The following BPGM variants were observed in gnomAD, a reference collection of about 807,000 sequenced individuals.
BPGM encodes the protein 2,3-bisphosphoglycerate mutase, erythrocyte.
In BPGM, 15 loss-of-function variants were observed where a neutral mutation model predicts 21.6. That is an observed-to-expected ratio of 0.70 (90% CI 0.47 to 1.07). The LOEUF (loss-of-function observed/expected upper bound fraction) is 1.07. Among genes scored for constraint, BPGM ranks in the 50% least tolerant of loss-of-function variants. The pLI, the probability that BPGM is intolerant of heterozygous loss-of-function variation, is 0.00. For synonymous variants in BPGM, 113 were observed against 116.2 expected, an observed-to-expected ratio of 0.97 and a Z score of 0.18; for missense variants, 273 against 319.0, an observed-to-expected ratio of 0.86 and a Z score of 1.10.
chr7:134,650,159 A>T (rs1795533528), intron 1 of BPGM, among the ~76,000 whole-genome samples: 1 of 152,122 alleles, frequency 6.6e-6, no homozygotes, highest in Admixed American at 6.5e-5. Context: ...AGACTTTTGG[A>T]ATTTGGTGGA....
chr7:134,678,076 C>CTGTT (rs148468643), intron 2 of BPGM, among the ~76,000 whole-genome samples: 4,034 of 152,260 alleles, frequency 0.026, 95 homozygotes, highest in East Asian at 0.12. Context: ...AACATGTTAG[C>CTGTT]TGTTTATTGT....
At chr7:134,664,781 C>A (rs1365740121) in intron 2 of BPGM, among the ~76,000 whole-genome samples, 1 of 152,194 alleles carries the variant, frequency 6.6e-6, no homozygotes, top group Non-Finnish European at 1.5e-5. Flanking sequence ...GATGCTGATA[C>A]ATGCTACCAT....
At chr7:134,659,563 T>C (rs1239051287) in intron 1 of BPGM, among the ~76,000 whole-genome samples, 1 of 152,210 alleles carries the variant, frequency 6.6e-6, no homozygotes, top group African/African-American at 2.4e-5. Context: ...CTGATGCCTC[T>C]TCTAGGCTAA....
chr7:134,679,137 G>A lies in BPGM; in HGVS notation c.*106G>A. Reference sequence around the variant, plus strand: ...TTCCCCGATTTTCCAGAGCTAGGCTGTGGAGTAGAGTTTGTATAGGTAACT... The same window carrying A: ...TTCCCCGATTTTCCAGAGCTAGGCTATGGAGTAGAGTTTGTATAGGTAACT... On this transcript the variant is annotated 3_prime_UTR_variant, in exon 3 of 3. Transcript: ENST00000344924. 2.3e-6 allele frequency: 3 copies of A among 1,301,860 alleles called. No individual in the cohort carries two copies. The South Asian group carries it at 3.9e-5, about 17-fold the overall frequency. 80.6% of individuals were successfully genotyped at this position (1,301,860 alleles called of 1,614,324 possible).
At chr7:134,673,867 G>C (rs1363358456) in intron 2 of BPGM, among the ~76,000 whole-genome samples, 1 of 149,854 alleles carries the variant, frequency 6.7e-6, no homozygotes, top group Non-Finnish European at 1.5e-5. Flanking sequence ...CCTGTGAGTA[G>C]AGCAGGTTTT....
intron 2 of BPGM, among the ~76,000 whole-genome samples, chr7:134,677,705 G>A (rs917929706): frequency 2.0e-5 from 3 of 152,180 alleles, no homozygotes; most frequent in South Asian, 2.1e-4. Context: ...TATAGAACAG[G>A]AAGCATATAG....
rs1450531690 is a variant in BPGM, at chr7:134,661,099, T to C, written c.-61-348T>C. ...GAGTTCCCAGCCACTAGTCATTCTT[T>C]CAGACGTCTGTAACTCATTCTATTA... is the stretch of plus-strand genomic sequence containing the variant. On this transcript the variant is annotated intron_variant, in intron 1 of 2. Coordinates refer to ENST00000344924, the MANE Select transcript of BPGM (RefSeq NM_001724.5). The surrounding 1 kb of genome is among the most constrained non-coding windows in gnomAD (Gnocchi z 4.6). 6.6e-6 allele frequency among the ~76,000 whole-genome samples: 1 copy of C among 152,250 alleles called. No homozygotes were observed.
At chr7:134,651,455 C>A (rs533705385) in intron 1 of BPGM, among the ~76,000 whole-genome samples, 7 of 152,106 alleles carry the variant, frequency 4.6e-5, no homozygotes, top group African/African-American at 1.4e-4. Flanking sequence ...GTACTTATAA[C>A]AGAGGAGCCT....
At chr7:134,670,427 C>T (rs1585864547) in intron 2 of BPGM, among the ~76,000 whole-genome samples, 1 of 152,222 alleles carries the variant, frequency 6.6e-6, no homozygotes, top group South Asian at 2.1e-4. Context: ...TGTGGTTAAG[C>T]TTTCTTTTAT....
Position 134,667,724 on chromosome 7 carries a change from C to T in BPGM, c.601+5616C>T, listed in dbSNP as rs979009843. Among the ~76,000 whole-genome samples the T allele has an allele frequency of 1.3e-5, 2 of 152,242 alleles. 1 individual carries two copies. Among genetic ancestry groups the T allele is most frequent in the Admixed American group, 1.3e-4 (2 of 15,288 alleles). On this transcript the variant is annotated intron_variant, in intron 2 of 2. Coordinates refer to ENST00000344924, the MANE Select transcript of BPGM (RefSeq NM_001724.5). ...TTCATCTGGTTCCAAGCCGTGCTTTCTAGAGATGTTTATGTAAACTTCTCC... is the reference window on the plus strand; with the variant it reads ...TTCATCTGGTTCCAAGCCGTGCTTTTTAGAGATGTTTATGTAAACTTCTCC...
intron 1 of BPGM, among the ~76,000 whole-genome samples, chr7:134,648,354 C>T (rs1345218164): frequency 1.4e-5 from 2 of 142,346 alleles, no homozygotes; most frequent in African/African-American, 2.6e-5. Flanking sequence ...AGGCTGGTCT[C>T]GAATTCCTGA....
At position 134,661,764 on chromosome 7, in the gene BPGM, G is replaced by T; in HGVS notation, c.257G>T (p.Arg86Leu). 1.2e-6 allele frequency: 2 copies of T among 1,614,130 alleles called. No homozygotes were observed. The highest frequency in any genetic ancestry group is 8.5e-7 in the Non-Finnish European group (1 of 1,180,006). ...TGGGTGCCTGTGGAAAGCTCCTGGC[G>T]TCTAAATGAGCGTCACTATGGGGCC... ...QEWVPVESSW[R>L]LNERHYGALI... The change falls in exon 2 of 3, where the codon CGT becomes CTT. Residue 86 changes from arginine to leucine, a missense_variant. Arg to Leu is a moderately radical substitution (Grantham distance 102). Coordinates refer to ENST00000344924, the MANE Select transcript of BPGM (RefSeq NM_001724.5). This position sits in a 1 kb window ranked among gnomAD's most constrained non-coding sequence, Gnocchi z 4.6.
At chr7:134,647,970 G>T (rs1263452842) in intron 1 of BPGM, among the ~76,000 whole-genome samples, 1 of 151,272 alleles carries the variant, frequency 6.6e-6, no homozygotes, top group Non-Finnish European at 1.5e-5. Context: ...GCTGATTTTT[G>T]TATTTTTAGT....
intron 1 of BPGM, chr7:134,658,792 G>A (rs1304318430): frequency 1.3e-5 from 2 of 152,032 alleles, no homozygotes; most frequent in Non-Finnish European, 1.5e-5. Flanking sequence ...ATTCACCTGC[G>A]TAAATGTATT....
At position 134,664,305 on chromosome 7, in the gene BPGM, T is replaced by C. The variant is rs201256155; in HGVS notation, c.601+2197T>C. On this transcript the variant is annotated intron_variant, in intron 2 of 2. Coordinates refer to ENST00000344924, the MANE Select transcript of BPGM (RefSeq NM_001724.5). Reference sequence around the variant, plus strand: ...GTGAGCAGGGCTGTGCTCTCTCTGATGACTCTAGGAGACAATTCTTCCTTG... The same window carrying C: ...GTGAGCAGGGCTGTGCTCTCTCTGACGACTCTAGGAGACAATTCTTCCTTG... Among the ~76,000 whole-genome samples the C allele has an allele frequency of 7.2e-5, 11 of 152,324 alleles. No individual in the cohort carries two copies. The East Asian group carries it at 2.1e-3, about 29-fold the overall frequency.
chr7:134,659,877 G>C (rs900268253), intron 1 of BPGM, among the ~76,000 whole-genome samples: 3 of 152,178 alleles, frequency 2.0e-5, no homozygotes, highest in African/African-American at 7.2e-5. Context: ...ATTGCAGATC[G>C]AGTAGGGGAA....
At chr7:134,653,121 T>G (rs2131416622) in intron 1 of BPGM, among the ~76,000 whole-genome samples, 1 of 152,346 alleles carries the variant, frequency 6.6e-6, no homozygotes, top group South Asian at 2.1e-4. Context: ...TATGAAATTC[T>G]AATTTCAGTG....
intron 1 of BPGM, among the ~76,000 whole-genome samples, chr7:134,649,140 C>T (rs1795515359): frequency 6.6e-6 from 1 of 151,812 alleles, no homozygotes; most frequent in African/African-American, 2.4e-5. Context: ...TCCAATTGTA[C>T]TCTTTTAGTT....
At chr7:134,662,216 C>T (rs2131433346) in intron 2 of BPGM, 108 bp downstream of exon 2, 2 of 1,412,438 alleles carry the variant, frequency 1.4e-6, no homozygotes, top group Non-Finnish European at 2.0e-6. Flanking sequence ...CTCCTCTATC[C>T]CCCTTTGTCA....
Sources: allele counts gnomAD v4.1 joint callset (sites outside exome capture counted in the v4.1 genomes callset), GRCh38; gene constraint gnomAD v4.1.1; non-coding constraint Gnocchi (gnomAD v3.1); transcripts MANE v1.5; gene names NCBI Gene and HGNC (gene_info 2026-07-23, HGNC 2026-07-21).